The following CCDC40 variants were observed in gnomAD, a reference collection of about 807,000 sequenced individuals.
CCDC40 encodes the protein coiled-coil domain-containing protein 40.
Under a neutral mutation model 124.5 loss-of-function variants are expected in CCDC40, and 104 were observed. The ratio of observed to expected loss-of-function variants is 0.84; its 90% CI spans 0.71 to 0.98. CCDC40 has a LOEUF of 0.98. CCDC40 is among the 50% of genes least tolerant of loss of function. The pLI, the probability that CCDC40 is intolerant of heterozygous loss-of-function variation, is 0.00. For synonymous variants in CCDC40, 580 were observed against 602.9 expected (o/e 0.96, Z 0.56); for missense variants, 1,463 against 1,503.9 (o/e 0.97, Z 0.45).
intron 3 of CCDC40, among the ~76,000 whole-genome samples, chr17:80,043,520 AC>A (rs1232047346): frequency 6.9e-6 from 1 of 144,572 alleles, no homozygotes. Flanking sequence ...CTTGGCTCAC[AC>A]CCCTGCGGCC....
At position 80,058,301 on chromosome 17, in the gene CCDC40, G is replaced by A. The variant is rs954934353; in HGVS notation, c.1160-193G>A. Among the ~76,000 whole-genome samples, 5 of 152,220 alleles carry A rather than the reference G, an allele frequency of 3.3e-5. No individual in the cohort carries two copies. Among genetic ancestry groups the A allele is most frequent in the Non-Finnish European group, 7.3e-5 (5 of 68,040 alleles). The stretch of plus-strand genomic sequence containing the variant: ...TTCCGTATATTTTTGTCTCTTCCAA[G>A]AGACTGTAAACTCTTTGCTGACAAA... On this transcript the variant is annotated intron_variant, in intron 7 of 19. Transcript: ENST00000397545. The surrounding 1 kb of genome is among the most constrained non-coding windows in gnomAD (Gnocchi z 4.2).
In CCDC40 at chr17:80,050,165, G is replaced by T. The variant is rs1269534170; in HGVS notation, c.1041G>T (p.Lys347Asn). ...HLVHLQKLLEKSHDRHAMASS... is the reference protein window; with the variant it reads ...HLVHLQKLLENSHDRHAMASS... ...TACACCTGCAGAAGCTGCTGGAGAAGAGTCACGACCGCCACGCAATGGCCT... is the reference window on the plus strand; with the variant it reads ...TACACCTGCAGAAGCTGCTGGAGAATAGTCACGACCGCCACGCAATGGCCT... Residue 347 changes from lysine (K) to asparagine (N), a missense_variant, in exon 7 of 20, where the codon AAG becomes AAT. Lys to Asn is a moderately conservative substitution (Grantham distance 94). Coordinates refer to ENST00000397545, the MANE Select transcript of CCDC40 (RefSeq NM_017950.4). The T allele has an allele frequency of 6.2e-7, 1 of 1,613,474 alleles. No individual in the cohort carries two copies. Among genetic ancestry groups the T allele is most frequent in the African/African-American group, 1.3e-5 (1 of 74,920 alleles).
chr17:80,048,983 A>G (rs2037505950), intron 5 of CCDC40, among the ~76,000 whole-genome samples: 1 of 152,152 alleles, frequency 6.6e-6, no homozygotes, highest in Non-Finnish European at 1.5e-5. Context: ...CCCCGGAACC[A>G]CTGCCCCGTG....
chr17:80,089,693 T>TA, intron 16 of CCDC40, 71 bp from the exon 17 acceptor site: 6 of 1,584,028 alleles, frequency 3.8e-6, no homozygotes, highest in Non-Finnish European at 5.2e-6. Context: ...TGTAAAGCCT[T>TA]AGAGTGTGAG....
At chr17:80,056,815 G>A (rs763076516) in intron 7 of CCDC40, among the ~76,000 whole-genome samples, 56 of 151,784 alleles carry the variant, frequency 3.7e-4, no homozygotes, top group Admixed American at 4.6e-4. Context: ...CGAGGCAAGC[G>A]GATCACAAGG....
intron 10 of CCDC40, among the ~76,000 whole-genome samples, chr17:80,077,368 C>CA (rs752982286): frequency 9.9e-5 from 15 of 151,992 alleles, no homozygotes; most frequent in Admixed American, 5.2e-4. Context: ...CCAAAAATAC[C>CA]AAAAATTAGC....
At chr17:80,056,626 GAAC>G (rs1396951321) in intron 7 of CCDC40, among the ~76,000 whole-genome samples, 2 of 151,686 alleles carry the variant, frequency 1.3e-5, no homozygotes, top group Admixed American at 6.6e-5. Context: ...AAAACAACAA[GAAC>G]AACAACACTT....
In CCDC40 at chr17:80,084,874, G is replaced by C. The variant is rs981844099; in HGVS notation, c.2121G>C (p.Glu707Asp). ...ELDQDVKKVN[E>D]LITNSQSEIS... ...ACCAGGACGTGAAGAAAGTCAACGA[G>C]CTCATCACCAACAGCCAGAGCGAGA... The change falls in exon 13 of 20, where the codon GAG becomes GAC. Residue 707 changes from glutamate to aspartate, a missense_variant. Glu to Asp is a conservative substitution (Grantham distance 45, BLOSUM62 2). Coordinates refer to ENST00000397545, the MANE Select transcript of CCDC40 (RefSeq NM_017950.4). 4 of 1,614,138 alleles carry C rather than the reference G, an allele frequency of 2.5e-6. No individual in the cohort carries two copies. Among genetic ancestry groups the C allele is most frequent in the Non-Finnish European group, 3.4e-6 (4 of 1,180,032 alleles).
At chr17:80,048,555 T>G in intron 4 of CCDC40, 28 bp from the exon 5 acceptor site, 2 of 1,597,340 alleles carry the variant, frequency 1.3e-6, no homozygotes, top group Non-Finnish European at 8.6e-7. Context: ...CAGCAGCTCC[T>G]CAATGGTGTC....
rs924636801 is a variant in CCDC40 at position 80,036,787 on chromosome 17, C to G, written c.29+96C>G. 3.4e-6 allele frequency: 4 copies of G among 1,184,722 alleles called. No individual in the cohort carries two copies. In the African/African-American group the frequency reaches 6.3e-5, roughly 19 times the overall value. The allele number at this position is 1,184,722 out of a possible 1,614,324, so 73.4% of individuals were successfully genotyped here. On this transcript the variant is annotated intron_variant, in intron 1 of 19. Coordinates refer to ENST00000397545, the MANE Select transcript of CCDC40 (RefSeq NM_017950.4). ...CCCCCGCGTCGGCTCCTGCCTCGCC[C>G]CTTCGCCTCCACTCCCCCTTCCTCT...
intron 10 of CCDC40, among the ~76,000 whole-genome samples, chr17:80,070,928 A>G (rs1037221992): frequency 6.6e-6 from 1 of 152,126 alleles, no homozygotes; most frequent in Non-Finnish European, 1.5e-5. Flanking sequence ...TGGGAGCTGG[A>G]CACTGCCCTC....
rs1567813129 is a variant in CCDC40, at chr17:80,090,208, T to C, written c.2832+324T>C. ...ACAACACGGGACGCACGCAGGCACGTGCACGAAGAACACGGGACGCGCGCA... is the reference window on the plus strand; with the variant it reads ...ACAACACGGGACGCACGCAGGCACGCGCACGAAGAACACGGGACGCGCGCA... On this transcript the variant is annotated intron_variant, in intron 17 of 19. Transcript: ENST00000397545. 15 of 750,612 alleles carry C rather than the reference T, an allele frequency of 2.0e-5. 1 individual carries two copies. The highest frequency in any genetic ancestry group is 2.6e-4 in the Middle Eastern group (1 of 3,796). 46.5% of individuals were successfully genotyped at this position (750,612 alleles called of 1,614,324 possible).
chr17:80,085,666 C>CT (rs5822324), intron 13 of CCDC40, among the ~76,000 whole-genome samples: 65 of 109,984 alleles, frequency 5.9e-4, no homozygotes, highest in East Asian at 1.5e-3. Flanking sequence ...GCTAATTTTG[C>CT]TTTTTTTTTT....
chr17:80,069,841 G>A (rs945674310), intron 10 of CCDC40, among the ~76,000 whole-genome samples: 1 of 152,190 alleles, frequency 6.6e-6, no homozygotes, highest in Non-Finnish European at 1.5e-5. Flanking sequence ...AAAGAAAACT[G>A]AGGGCTTGCC....
intron 17 of CCDC40, 121 bp downstream of exon 17, chr17:80,090,005 T>G: frequency 6.5e-7 from 1 of 1,540,476 alleles, no homozygotes; most frequent in Non-Finnish European, 8.8e-7. Flanking sequence ...CTGGCCACAT[T>G]GGCTGGTGGC....
intron 10 of CCDC40, among the ~76,000 whole-genome samples, chr17:80,079,395 T>C (rs1162865284): frequency 1.3e-5 from 2 of 152,134 alleles, no homozygotes; most frequent in Non-Finnish European, 2.9e-5. Context: ...CCGCGGCCGC[T>C]TAGTGTGTCC....
intron 7 of CCDC40, among the ~76,000 whole-genome samples, chr17:80,055,917 T>G (rs542860971): frequency 9.2e-5 from 13 of 141,548 alleles, no homozygotes; most frequent in Middle Eastern, 7.5e-3. Context: ...CCTTAAGTGA[T>G]CCTCACACCT....
intron 17 of CCDC40, chr17:80,090,516 A>G (rs1208069721): frequency 1.3e-5 from 20 of 1,523,964 alleles, no homozygotes; most frequent in Non-Finnish European, 1.8e-5. Context: ...ACGCTGTTTT[A>G]TTCCTACTCC....
At chr17:80,041,521 A>C (rs919170050) in intron 3 of CCDC40, among the ~76,000 whole-genome samples, 7 of 151,846 alleles carry the variant, frequency 4.6e-5, no homozygotes. Flanking sequence ...AAAAAAAAAA[A>C]ATTCTGGAAA....
Sources: gnomAD v4.1 joint callset for allele counts (sites outside exome capture counted in the v4.1 genomes callset) on GRCh38, gnomAD v4.1.1 for gene constraint, Gnocchi (gnomAD v3.1) non-coding constraint, MANE v1.5 for transcripts, NCBI Gene and HGNC (gene_info 2026-07-23, HGNC 2026-07-21) for gene names.